PLEKHA5: variants seen among roughly 807,000 people sequenced by gnomAD.
PLEKHA5 encodes the protein pleckstrin homology domain-containing family A member 5.
Under a neutral mutation model 181.9 loss-of-function variants are expected in PLEKHA5, and 55 were observed. The ratio of observed to expected loss-of-function variants is 0.30; its 90% CI spans 0.24 to 0.38. PLEKHA5 has a LOEUF of 0.38. PLEKHA5 is among the 10% of genes least tolerant of loss of function. The probability of loss-of-function intolerance (pLI) is 1.00; values close to 1 mark genes in which losing one functional copy is unlikely to be tolerated. For synonymous variants in PLEKHA5, 535 were observed against 529.4 expected, an observed-to-expected ratio of 1.01 and a Z score of -0.15; for missense variants, 1,432 against 1,549.5, an observed-to-expected ratio of 0.92 and a Z score of 1.27.
intron 3 of PLEKHA5, among the ~76,000 whole-genome samples, chr12:19,219,259 G>A (rs183437147): frequency 6.6e-5 from 10 of 152,116 alleles, no homozygotes; most frequent in Non-Finnish European, 2.9e-5. Context: ...TCCTGAAACC[G>A]AATTCCCGAG....
intron 10 of PLEKHA5, among the ~76,000 whole-genome samples, chr12:19,272,688 G>A (rs2073282783): frequency 1.3e-5 from 2 of 152,246 alleles, no homozygotes; most frequent in South Asian, 4.1e-4. Context: ...AGAGAGCCAA[G>A]ATCACGTCAC....
chr12:19,287,466 T>A lies in PLEKHA5; in HGVS notation c.1780-7T>A. 1 of 1,592,712 alleles carries A rather than the reference T, an allele frequency of 6.3e-7. No homozygotes were observed. The highest frequency in any genetic ancestry group is 8.6e-7 in the Non-Finnish European group (1 of 1,164,134). On this transcript the variant is annotated splice_polypyrimidine_tract_variant and splice_region_variant and intron_variant, in intron 12 of 31. Transcript: ENST00000429027. Reference sequence around the variant, plus strand: ...CACAGAATTACATTGTGCCTTTACTTTCCTAGCATGTCTATGTGCCTGACA... The same window carrying A: ...CACAGAATTACATTGTGCCTTTACTATCCTAGCATGTCTATGTGCCTGACA...
intron 3 of PLEKHA5, among the ~76,000 whole-genome samples, chr12:19,172,458 C>G (rs963027870): frequency 3.3e-5 from 5 of 151,814 alleles, no homozygotes; most frequent in Non-Finnish European, 5.9e-5. Flanking sequence ...ACAAACGACC[C>G]GGGGGGGCAA....
chr12:19,248,933 T>C (rs941323275), intron 3 of PLEKHA5, among the ~76,000 whole-genome samples: 25 of 152,220 alleles, frequency 1.6e-4, no homozygotes, highest in African/African-American at 5.3e-4. Flanking sequence ...ATAACATTTA[T>C]CAAGTGCTTA....
Position 19,358,337 on chromosome 12 carries a change from T to C in PLEKHA5, c.3248T>C (p.Leu1083Pro). 6.2e-7 allele frequency: 1 copy of C among 1,613,816 alleles called. No homozygotes were observed. The highest frequency in any genetic ancestry group is 8.5e-7 in the Non-Finnish European group (1 of 1,179,758). ...ERIRRHQQAC[L>P]REKKKGLNVI... Reference sequence around the variant, plus strand: ...ATAAGAAGACATCAACAAGCGTGCCTGAGGGAGAAGAAAAAAGGGTTAAAT... The same window carrying C: ...ATAAGAAGACATCAACAAGCGTGCCCGAGGGAGAAGAAAAAAGGGTTAAAT... The change falls in exon 27 of 32, where the codon CTG becomes CCG. Residue 1083 changes from leucine (L) to proline (P), a missense_variant. By Grantham distance (98) the Leu-to-Pro change is moderately conservative. Around this residue, in one of 2 missense-constraint regions of PLEKHA5, gnomAD observed 1,143 missense variants for 1,168.4 expected, o/e 0.98. Transcript: ENST00000429027.
chr12:19,343,333 C>T lies in PLEKHA5; in HGVS notation c.2561C>T (p.Ala854Val). The T allele has an allele frequency of 6.2e-7, 1 of 1,609,336 alleles. No homozygotes were observed. The highest frequency in any genetic ancestry group is 8.5e-7 in the Non-Finnish European group (1 of 1,176,200). The stretch of plus-strand genomic sequence containing the variant: ...CATTTTTACTGATAGACGGAATCAG[C>T]AGGAATTCAGCGTGCACAGATTCAG... ...DHLGEVQTES[A>V]GIQRAQIQKE... Residue 854 changes from alanine to valine, a missense_variant, in exon 22 of 32, where the codon GCA becomes GTA. Physicochemically the swap from Ala to Val is moderately conservative, Grantham distance 64. Around this residue, in one of 2 missense-constraint regions of PLEKHA5, gnomAD observed 1,143 missense variants for 1,168.4 expected, o/e 0.98. Transcript: ENST00000429027.
chr12:19,204,875 TAAGAGATTGAAAAGTG>T (rs1380403213), intron 3 of PLEKHA5, among the ~76,000 whole-genome samples: 1 of 152,118 alleles, frequency 6.6e-6, no homozygotes, highest in Non-Finnish European at 1.5e-5. Flanking sequence ...GAGAACAGAA[TAAGAGATTGAAAAGTG>T]AAATAAGGAT....
intron 3 of PLEKHA5, among the ~76,000 whole-genome samples, chr12:19,248,084 G>A (rs1454432628): frequency 1.3e-5 from 2 of 152,010 alleles, no homozygotes; most frequent in African/African-American, 2.4e-5. Context: ...TTAGGTGGGT[G>A]TGATGGCGTG....
At chr12:19,307,220 C>A (rs777992361) in intron 15 of PLEKHA5, 1 of 567,426 alleles carries the variant, frequency 1.8e-6, no homozygotes, top group Non-Finnish European at 3.2e-6. Context: ...GGCCAGTAAT[C>A]CCAGAGCTTT....
chr12:19,257,069 C>A (rs905380687), intron 5 of PLEKHA5, among the ~76,000 whole-genome samples: 1 of 152,074 alleles, frequency 6.6e-6, no homozygotes, highest in Non-Finnish European at 1.5e-5. Flanking sequence ...GGGAAAAGTT[C>A]TGTCATTTGG....
At chr12:19,302,812 A>G (rs1301813985) in intron 15 of PLEKHA5, among the ~76,000 whole-genome samples, 3 of 150,910 alleles carry the variant, frequency 2.0e-5, no homozygotes, top group Non-Finnish European at 4.4e-5. Flanking sequence ...CAGTCATGCT[A>G]GCCCCATTTC....
At chr12:19,190,635 G>A (rs1304672412) in intron 3 of PLEKHA5, among the ~76,000 whole-genome samples, 1 of 152,210 alleles carries the variant, frequency 6.6e-6, no homozygotes, top group Non-Finnish European at 1.5e-5. Flanking sequence ...TTGGAGAACT[G>A]AAGATGATTC....
At chr12:19,275,807 C>T (rs571907514) in intron 11 of PLEKHA5, among the ~76,000 whole-genome samples, 1 of 152,260 alleles carries the variant, frequency 6.6e-6, no homozygotes, top group Non-Finnish European at 1.5e-5. Context: ...AGCATTTATT[C>T]ATTTTTGCAT....
chr12:19,170,033 G>A (rs1003201654), intron 3 of PLEKHA5, among the ~76,000 whole-genome samples: 1 of 152,162 alleles, frequency 6.6e-6, no homozygotes, highest in African/African-American at 2.4e-5. Flanking sequence ...TGTTAATTAT[G>A]TGTAGTCTAA....
chr12:19,301,040 C>G (rs2081344478), intron 15 of PLEKHA5, among the ~76,000 whole-genome samples: 1 of 151,460 alleles, frequency 6.6e-6, no homozygotes, highest in Non-Finnish European at 1.5e-5. Flanking sequence ...ATCCCAGCTA[C>G]TCAGGATCCT....
intron 6 of PLEKHA5, among the ~76,000 whole-genome samples, chr12:19,258,377 T>G (rs1386961086): frequency 6.6e-6 from 1 of 152,102 alleles, no homozygotes; most frequent in Non-Finnish European, 1.5e-5. Context: ...AAGTTAAATA[T>G]TAGTTCATTG....
At chr12:19,309,589 T>C (rs2152976425) in intron 15 of PLEKHA5, among the ~76,000 whole-genome samples, 1 of 151,834 alleles carries the variant, frequency 6.6e-6, no homozygotes, top group South Asian at 2.1e-4. Flanking sequence ...AACCCCGTCT[T>C]TACTAAAAAT....
intron 3 of PLEKHA5, among the ~76,000 whole-genome samples, chr12:19,230,400 G>A (rs1024900198): frequency 1.8e-4 from 27 of 152,174 alleles, no homozygotes; most frequent in African/African-American, 5.1e-4. Flanking sequence ...ACCGGGCGTC[G>A]CAGAGCGGGG....
At chr12:19,180,442 T>G (rs1310440563) in intron 3 of PLEKHA5, among the ~76,000 whole-genome samples, 1 of 151,992 alleles carries the variant, frequency 6.6e-6, no homozygotes, top group African/African-American at 2.4e-5. Flanking sequence ...ATAATAAAAA[T>G]GTAGGGGGAT....
Sources: allele counts gnomAD v4.1 joint callset (sites outside exome capture counted in the v4.1 genomes callset), GRCh38; gene constraint gnomAD v4.1.1; regional missense constraint gnomAD v4.1.1; transcripts MANE v1.5; gene names NCBI Gene and HGNC (gene_info 2026-07-23, HGNC 2026-07-21).